The following QSER1 variants were observed in gnomAD, a reference collection of about 807,000 sequenced individuals.
QSER1 encodes the protein glutamine and serine-rich protein 1.
In QSER1, 49 loss-of-function variants were observed where a neutral mutation model predicts 158.5. The observed-to-expected ratio is 0.31, with a 90% CI of 0.25 to 0.39. The LOEUF is 0.39. QSER1 is among the 10% of genes least tolerant of loss of function. QSER1 has a pLI of 1.00. For synonymous variants in QSER1, 650 were observed against 715.5 expected (o/e 0.91, Z 1.46); for missense variants, 1,754 against 2,010.3 (o/e 0.87, Z 2.44).
chr11:32,968,987 G>C (rs1256888160), intron 9 of QSER1, 59 bp from the exon 10 acceptor site: 51 of 950,328 alleles, frequency 5.4e-5, no homozygotes, highest in Admixed American at 3.6e-4. Flanking sequence ...GAAAAAGTTG[G>C]ATTTTTTTCA....
chr11:32,923,895 A>T (rs1408838706), intron 1 of QSER1, among the ~76,000 whole-genome samples: 1 of 151,850 alleles, frequency 6.6e-6, no homozygotes, highest in Admixed American at 6.6e-5. Context: ...TTGAACCCGG[A>T]AAGTGGAGGT....
At chr11:32,947,279 CTT>C (rs766063959) in intron 4 of QSER1, among the ~76,000 whole-genome samples, 1 of 151,956 alleles carries the variant, frequency 6.6e-6, no homozygotes, top group East Asian at 1.9e-4. Flanking sequence ...TAATTTGACT[CTT>C]TTGTATTGTG....
At chr11:32,894,399 G>A (rs1225484027) in intron 1 of QSER1, among the ~76,000 whole-genome samples, 1 of 152,170 alleles carries the variant, frequency 6.6e-6, no homozygotes, top group Non-Finnish European at 1.5e-5. Flanking sequence ...TGATTACATG[G>A]ACCAGGGAAT....
chr11:32,898,865 G>A (rs767494791), intron 1 of QSER1, among the ~76,000 whole-genome samples: 12 of 152,196 alleles, frequency 7.9e-5, no homozygotes, highest in Non-Finnish European at 1.6e-4. Flanking sequence ...GCACTGGCCT[G>A]TATTAAATTC....
intron 10 of QSER1, 111 bp from the exon 11 acceptor site, chr11:32,973,284 CCT>C (rs1852904949): frequency 1.8e-6 from 2 of 1,103,754 alleles, no homozygotes; most frequent in Admixed American, 2.1e-5. Context: ...TGCACACACA[CCT>C]CTCTGCAAAT....
At chr11:32,924,581 GAATA>G (rs1381265059) in intron 1 of QSER1, among the ~76,000 whole-genome samples, 66 of 140,758 alleles carry the variant, frequency 4.7e-4, no homozygotes, top group Admixed American at 1.8e-3. Flanking sequence ...AAAAAAAAAG[GAATA>G]AATAAAGACA....
At chr11:32,973,164 T>C (rs1852901847) in intron 10 of QSER1, among the ~76,000 whole-genome samples, 1 of 152,202 alleles carries the variant, frequency 6.6e-6, no homozygotes, top group Admixed American at 6.5e-5. Context: ...ACATATCCAA[T>C]AGGAAGGGCT....
intron 4 of QSER1, among the ~76,000 whole-genome samples, chr11:32,936,837 C>T (rs1008409197): frequency 1.1e-4 from 16 of 152,158 alleles, no homozygotes; most frequent in Admixed American, 2.6e-4. Flanking sequence ...TAAAGTGTTA[C>T]GAGACAGCTG....
At chr11:32,913,415 G>T (rs941484783) in intron 1 of QSER1, among the ~76,000 whole-genome samples, 2 of 151,790 alleles carry the variant, frequency 1.3e-5, no homozygotes, top group African/African-American at 4.8e-5. Context: ...GGATGGTCTC[G>T]ATCTCTTGAC....
chr11:32,975,502 GTC>G (rs1199262858), intron 12 of QSER1, 159 bp downstream of exon 12: 1 of 1,484,020 alleles, frequency 6.7e-7, no homozygotes, highest in Non-Finnish European at 9.0e-7. Flanking sequence ...ATTGTTCTGA[GTC>G]TCTCTGCTAT....
chr11:32,940,642 G>A (rs1360570336), intron 4 of QSER1, among the ~76,000 whole-genome samples: 3 of 152,000 alleles, frequency 2.0e-5, no homozygotes, highest in Non-Finnish European at 4.4e-5. Context: ...TCTTGAGGTC[G>A]CTTGGTCTGT....
At chr11:32,905,199 A>G (rs1445356085) in intron 1 of QSER1, among the ~76,000 whole-genome samples, 1 of 152,218 alleles carries the variant, frequency 6.6e-6, no homozygotes, top group East Asian at 1.9e-4. Context: ...TAATGCCATC[A>G]TTCTCATTAC....
chr11:32,912,777 G>A (rs1851783990), intron 1 of QSER1, among the ~76,000 whole-genome samples: 1 of 152,062 alleles, frequency 6.6e-6, no homozygotes, highest in African/African-American at 2.4e-5. Context: ...GCCAGACATG[G>A]TGTCGCACGT....
intron 1 of QSER1, among the ~76,000 whole-genome samples, chr11:32,921,604 A>C (rs1182397664): frequency 6.6e-6 from 1 of 152,230 alleles, no homozygotes; most frequent in East Asian, 1.9e-4. Flanking sequence ...TATACACTAA[A>C]CACTACAAAA....
chr11:32,942,364 A>G (rs1340542016), intron 4 of QSER1, among the ~76,000 whole-genome samples: 1 of 135,060 alleles, frequency 7.4e-6, no homozygotes, highest in Non-Finnish European at 1.7e-5. Context: ...TTATGGTTTT[A>G]GGTCTAACGT....
rs1331105849 is a variant in QSER1 at position 32,892,840 on chromosome 11, A to C, written c.-286A>C. ...TGGGAAATCCACCAACATGGGGCGC[A>C]GCGGCCGCCGCCGCCGCCGCCGTCG... is the stretch of plus-strand genomic sequence containing the variant. On this transcript the variant is annotated 5_prime_UTR_variant, in exon 1 of 13. Coordinates refer to ENST00000650167, the MANE Select transcript of QSER1 (RefSeq NM_001076786.3). Among the ~76,000 whole-genome samples, 1 of 58,974 alleles carries C rather than the reference A, an allele frequency of 1.7e-5. No individual in the cohort carries two copies. Among genetic ancestry groups the C allele is most frequent in the Non-Finnish European group, 3.0e-5 (1 of 32,924 alleles). The allele number at this position is 58,974 out of a possible 152,430, so 38.7% of individuals were successfully genotyped here. A position where few individuals can be genotyped will look rare whatever the true frequency, so the allele number is the denominator to read the frequency against.
intron 4 of QSER1, among the ~76,000 whole-genome samples, chr11:32,939,948 A>ATTTT (rs35359579): frequency 2.4e-5 from 3 of 124,376 alleles, no homozygotes; most frequent in African/African-American, 6.0e-5. Flanking sequence ...GAAGACTGAG[A>ATTTT]TTTTTTTTTT....
rs747018854 is a variant in QSER1 at position 32,933,731 on chromosome 11, G to A, written c.2473G>A (p.Asp825Asn). 2.4e-5 allele frequency: 38 copies of A among 1,613,830 alleles called. No homozygotes were observed. The highest frequency in any genetic ancestry group is 6.6e-5 in the South Asian group (6 of 91,040). Residue 825 changes from aspartate to asparagine, a missense_variant, in exon 4 of 13, where the codon GAT becomes AAT. Coordinates refer to ENST00000650167, the MANE Select transcript of QSER1 (RefSeq NM_001076786.3). ...TGAGTCCAAGGTCCAGGAACAGCAC[G>A]ATCAAATAATTAATGCTTCATCTCA... ...VHESKVQEQH[D>N]QIINASSQIQ...
At chr11:32,953,259 T>C (rs762130051) in intron 4 of QSER1, among the ~76,000 whole-genome samples, 11 of 152,006 alleles carry the variant, frequency 7.2e-5, no homozygotes, top group South Asian at 4.2e-4. Context: ...TTTTTTTTTT[T>C]CCCACATGTA....
Sources: gnomAD v4.1 joint callset for allele counts (sites outside exome capture counted in the v4.1 genomes callset) on GRCh38, gnomAD v4.1.1 for gene constraint, MANE v1.5 for transcripts, NCBI Gene and HGNC (gene_info 2026-07-23, HGNC 2026-07-21) for gene names.